Variants in MAML2 observed in about 807,000 individuals in gnomAD.
The protein encoded by MAML2 is mastermind like transcriptional coactivator 2.
Under a neutral mutation model 96.1 loss-of-function variants are expected in MAML2, and 22 were observed. The ratio of observed to expected loss-of-function variants is 0.23; its 90% CI spans 0.16 to 0.33. The LOEUF is 0.33. Among genes scored for constraint, MAML2 ranks in the 10% least tolerant of loss-of-function variants. MAML2 has a pLI of 1.00. For missense variants in MAML2, 1,367 were observed against 1,392.4 expected (o/e 0.98, Z 0.29); for synonymous variants, 561 against 521.3 (o/e 1.08, Z -1.04).
intron 2 of MAML2, among the ~76,000 whole-genome samples, chr11:96,055,303 A>G (rs1269693039): frequency 6.6e-6 from 1 of 152,206 alleles, no homozygotes; most frequent in African/African-American, 2.4e-5. Context: ...AATTAAACCC[A>G]CAAGCTCTCT....
At chr11:96,335,801 G>A (rs760628610) in intron 1 of MAML2, among the ~76,000 whole-genome samples, 2 of 151,966 alleles carry the variant, frequency 1.3e-5, no homozygotes, top group African/African-American at 4.8e-5. Flanking sequence ...AATCTCATTT[G>A]TCCCCCTCAG....
chr11:96,004,236 A>G (rs1411483208), intron 2 of MAML2, among the ~76,000 whole-genome samples: 1 of 152,136 alleles, frequency 6.6e-6, no homozygotes, highest in Non-Finnish European at 1.5e-5. Context: ...CTCATTAAAA[A>G]TGAAGGCAAT....
intron 1 of MAML2, among the ~76,000 whole-genome samples, chr11:96,200,514 T>C (rs895334516): frequency 1.3e-5 from 2 of 152,184 alleles, no homozygotes; most frequent in African/African-American, 4.8e-5. Flanking sequence ...AGCACAAAAG[T>C]TCCCACATTT....
intron 2 of MAML2, among the ~76,000 whole-genome samples, chr11:96,039,975 A>T (rs1858782364): frequency 6.6e-6 from 1 of 151,948 alleles, no homozygotes; most frequent in South Asian, 2.1e-4. Context: ...AAAAAAAAAA[A>T]AAAAAAAGAT....
chr11:96,057,528 G>T (rs546321199), intron 2 of MAML2, among the ~76,000 whole-genome samples: 1 of 152,210 alleles, frequency 6.6e-6, no homozygotes, highest in South Asian at 2.1e-4. Context: ...TCCTCAAAAA[G>T]CTCCTAATAG....
chr11:96,340,139 T>A (rs188180687), intron 1 of MAML2, among the ~76,000 whole-genome samples: 142 of 152,268 alleles, frequency 9.3e-4, no homozygotes, highest in Admixed American at 2.0e-3. Flanking sequence ...GGCCAGGGAT[T>A]AAGGGAAGCC....
At chr11:96,087,871 C>T (rs1382376612) in intron 2 of MAML2, among the ~76,000 whole-genome samples, 4 of 152,206 alleles carry the variant, frequency 2.6e-5, no homozygotes, top group Non-Finnish European at 1.5e-5. Flanking sequence ...ATTATTTTCC[C>T]ATTGGAAAAG....
At chr11:96,204,923 C>T (rs1229324605) in intron 1 of MAML2, among the ~76,000 whole-genome samples, 1 of 152,210 alleles carries the variant, frequency 6.6e-6, no homozygotes, top group Non-Finnish European at 1.5e-5. Flanking sequence ...ATTCTTATTA[C>T]ATTGATCGGA....
At chr11:96,117,459 C>T (rs969498689) in intron 1 of MAML2, among the ~76,000 whole-genome samples, 1 of 151,876 alleles carries the variant, frequency 6.6e-6, no homozygotes, top group Non-Finnish European at 1.5e-5. Context: ...CCACACCCAG[C>T]TGATTTTTTT....
At chr11:96,211,604 T>A (rs1474904941) in intron 1 of MAML2, among the ~76,000 whole-genome samples, 1 of 151,634 alleles carries the variant, frequency 6.6e-6, no homozygotes, top group Non-Finnish European at 1.5e-5. Flanking sequence ...AGATCAGAGG[T>A]ATGGGGGCGT....
chr11:96,082,181 A>G (rs1859538073), intron 2 of MAML2, among the ~76,000 whole-genome samples: 1 of 152,126 alleles, frequency 6.6e-6, no homozygotes. Context: ...CTTAACTACA[A>G]TTCAAGGTAG....
At chr11:96,148,158 C>T (rs1860850539) in intron 1 of MAML2, among the ~76,000 whole-genome samples, 1 of 152,234 alleles carries the variant, frequency 6.6e-6, no homozygotes, top group Non-Finnish European at 1.5e-5. Context: ...CTCCTTTCTA[C>T]TCTGAATAAG....
In MAML2 at chr11:95,994,463, C is replaced by G. The variant is rs560840123; in HGVS notation, c.2140-2740G>C. On this transcript the variant is annotated intron_variant, in intron 2 of 4. Transcript: ENST00000524717. ...CATTGACAGAATGGCAAATGAGGATCGGTGAGCTGAGTGTCTTGGAGGGCA... is the reference window on the plus strand; with the variant it reads ...CATTGACAGAATGGCAAATGAGGATGGGTGAGCTGAGTGTCTTGGAGGGCA... Among the ~76,000 whole-genome samples, 29 of 152,178 alleles carry G rather than the reference C, an allele frequency of 1.9e-4. 1 individual carries two copies. The highest frequency in any genetic ancestry group is 6.5e-4 in the African/African-American group (27 of 41,526).
rs565755 is a variant in MAML2, at chr11:95,996,783, A to C, written c.2140-5060T>G. Among the ~76,000 whole-genome samples the C allele has an allele frequency of 7.2e-5, 11 of 152,200 alleles. No individual in the cohort carries two copies. In the South Asian group the frequency reaches 2.1e-3, roughly 29 times the overall value. ...TACATAAAATAGTTTGAAAGAAAAA[A>C]CTGCTTTGATGCATTGGCTTCGATT... On this transcript the variant is annotated intron_variant, in intron 2 of 4. Coordinates refer to ENST00000524717, the MANE Select transcript of MAML2 (RefSeq NM_032427.4).
intron 1 of MAML2, among the ~76,000 whole-genome samples, chr11:96,295,480 A>G (rs1206741617): frequency 6.6e-6 from 1 of 152,186 alleles, no homozygotes; most frequent in Non-Finnish European, 1.5e-5. Context: ...AAGGCCTAAG[A>G]GTTCTCTTCA....
At position 96,209,375 on chromosome 11, in the gene MAML2, C is replaced by T. The variant is rs564320781; in HGVS notation, c.514-115858G>A. On this transcript the variant is annotated intron_variant, in intron 1 of 4. Coordinates refer to ENST00000524717, the MANE Select transcript of MAML2 (RefSeq NM_032427.4). ...AAGAAAGGCTGGGTGCAGTGGCTCA[C>T]GCCTGTAATCTCAGCACTTTAGGAG... Among the ~76,000 whole-genome samples the T allele has an allele frequency of 9.9e-5, 15 of 152,032 alleles. No individual in the cohort carries two copies. In the South Asian group the frequency reaches 1.5e-3, roughly 15 times the overall value.
At chr11:96,166,039 C>A (rs1861182736) in intron 1 of MAML2, among the ~76,000 whole-genome samples, 1 of 152,124 alleles carries the variant, frequency 6.6e-6, no homozygotes, top group South Asian at 2.1e-4. Context: ...TGTACAATAT[C>A]ATTTCCCTAC....
At chr11:96,148,877 T>C (rs1427074698) in intron 1 of MAML2, among the ~76,000 whole-genome samples, 1 of 152,208 alleles carries the variant, frequency 6.6e-6, no homozygotes, top group African/African-American at 2.4e-5. Context: ...TTTTGACGAA[T>C]GGATTCTGCC....
intron 1 of MAML2, among the ~76,000 whole-genome samples, chr11:96,157,920 A>G (rs1861037973): frequency 6.6e-6 from 1 of 152,084 alleles, no homozygotes; most frequent in Non-Finnish European, 1.5e-5. Flanking sequence ...TCCTTTCATT[A>G]TTTTTACCCT....
Sources: allele counts gnomAD v4.1 joint callset (sites outside exome capture counted in the v4.1 genomes callset), GRCh38; gene constraint gnomAD v4.1.1; transcripts MANE v1.5; gene names NCBI Gene and HGNC (gene_info 2026-07-23, HGNC 2026-07-21).